HNF4G: variants seen among roughly 807,000 people sequenced by gnomAD.
The protein encoded by HNF4G is hepatocyte nuclear factor 4 gamma, also known as hepatocyte nuclear factor 4-gamma.
HNF4G carries 21 observed loss-of-function variants against 50.9 expected under a neutral mutation model. The observed-to-expected ratio is 0.41, with a 90% CI of 0.29 to 0.59. HNF4G has a LOEUF of 0.59. Among genes scored for constraint, HNF4G ranks in the 20% least tolerant of loss-of-function variants. The pLI is 0.26. For synonymous variants in HNF4G, 198 were observed against 185.6 expected (o/e 1.07, Z -0.54); for missense variants, 527 against 559.4 (o/e 0.94, Z 0.58).
Position 75,556,084 on chromosome 8 carries a change from T to C in HNF4G, c.733+15T>C. ...TTTGCTTTTGGGTAAGTTTTTTTTT[T>C]TTAATTTAAGAAGAAATTATGCATA... On this transcript the variant is annotated intron_variant, in intron 6 of 9. Transcript: ENST00000396423. 7.2e-7 allele frequency: 1 copy of C among 1,396,762 alleles called. No homozygotes were observed. Among genetic ancestry groups the C allele is most frequent in the Non-Finnish European group, 9.9e-7 (1 of 1,010,544 alleles). The allele number at this position is 1,396,762 out of a possible 1,614,324, so 86.5% of individuals were successfully genotyped here.
chr8:75,532,045 TG>T (rs1806341902), intron 2 of HNF4G, among the ~76,000 whole-genome samples: 2 of 152,130 alleles, frequency 1.3e-5, no homozygotes, highest in Non-Finnish European at 2.9e-5. Flanking sequence ...TTATAACTTT[TG>T]GCTATTTTAA....
intron 1 of HNF4G, among the ~76,000 whole-genome samples, chr8:75,418,353 C>T (rs1417877667): frequency 6.6e-6 from 1 of 152,164 alleles, no homozygotes; most frequent in Non-Finnish European, 1.5e-5. Context: ...GGGAGGGACA[C>T]ACAGTTCAGC....
chr8:75,543,453 T>G (rs962539177), intron 1 of HNF4G, among the ~76,000 whole-genome samples: 2 of 152,184 alleles, frequency 1.3e-5, no homozygotes, highest in Non-Finnish European at 2.9e-5. Flanking sequence ...AATGAAGTTC[T>G]TCAATAGGTG....
intron 1 of HNF4G, among the ~76,000 whole-genome samples, chr8:75,449,683 AT>A (rs1340998676): frequency 2.0e-5 from 3 of 151,240 alleles, no homozygotes; most frequent in African/African-American, 7.3e-5. Flanking sequence ...ATTTTTTTGT[AT>A]TTTTAGTAGA....
rs1343973467 is a variant in HNF4G, at chr8:75,442,907, A to G, written c.-144+34745A>G. Among the ~76,000 whole-genome samples, 4 of 152,168 alleles carry G rather than the reference A, an allele frequency of 2.6e-5. No homozygotes were observed. The East Asian group carries it at 7.7e-4, about 29-fold the overall frequency. On this transcript the variant is annotated intron_variant, in intron 1 of 10. Coordinates refer to the HNF4G transcript ENST00000354370. ...GATGACCATGACTGGAAAGCATGAC[A>G]GAGCACAGGAATGCTCAATCTCACA...
At chr8:75,501,082 A>G (rs1053492844) in intron 2 of HNF4G, among the ~76,000 whole-genome samples, 9 of 152,038 alleles carry the variant, frequency 5.9e-5, no homozygotes, top group Admixed American at 5.9e-4. Context: ...AATAAAAAAG[A>G]CTAACAAGGG....
intron 1 of HNF4G, among the ~76,000 whole-genome samples, chr8:75,442,426 T>C (rs1166133143): frequency 6.6e-6 from 1 of 152,094 alleles, no homozygotes; most frequent in Non-Finnish European, 1.5e-5. Context: ...AACATGTGAA[T>C]GGCCCAGCGC....
chr8:75,443,025 G>A (rs1811323867), intron 1 of HNF4G, among the ~76,000 whole-genome samples: 1 of 152,276 alleles, frequency 6.6e-6, no homozygotes, highest in African/African-American at 2.4e-5. Flanking sequence ...GGTATTAGGA[G>A]GGTGGGGCCT....
Position 75,558,781 on chromosome 8 carries a change from C to A in HNF4G, c.887-20C>A. 6.3e-7 allele frequency: 1 copy of A among 1,599,174 alleles called. No individual in the cohort carries two copies. Among genetic ancestry groups the A allele is most frequent in the Non-Finnish European group, 8.6e-7 (1 of 1,166,440 alleles). On this transcript the variant is annotated intron_variant, in intron 7 of 9. Coordinates refer to ENST00000396423, the MANE Select transcript of HNF4G (RefSeq NM_004133.5). ...TAATTAGGTTAAATCTGTACACTGC[C>A]TCTCTTATTCCTTTGTTAGATGCAA...
At chr8:75,555,187 C>T (rs1807077478) in intron 5 of HNF4G, among the ~76,000 whole-genome samples, 1 of 152,134 alleles carries the variant, frequency 6.6e-6, no homozygotes, top group South Asian at 2.1e-4. Context: ...ATCACTTTGG[C>T]TTGTATTTTG....
At position 75,540,104 on chromosome 8, in the gene HNF4G, T is replaced by C. The variant is rs768567987; in HGVS notation, c.118+24T>C. The C allele has an allele frequency of 3.8e-6, 5 of 1,304,294 alleles. No individual in the cohort carries two copies. The African/African-American group carries it at 7.4e-5, about 19-fold the overall frequency. 80.8% of individuals were successfully genotyped at this position (1,304,294 alleles called of 1,614,324 possible). A position where few individuals can be genotyped will look rare whatever the true frequency, so the allele number is the denominator to read the frequency against. On this transcript the variant is annotated intron_variant, in intron 1 of 9. Coordinates refer to ENST00000396423, the MANE Select transcript of HNF4G (RefSeq NM_004133.5). ...TGGTGAGTTATCATCTGTTTATAGA[T>C]GTAAAGAAAAGTAAGTATAATTGGA...
At chr8:75,520,415 C>T (rs984674869) in intron 2 of HNF4G, among the ~76,000 whole-genome samples, 4 of 151,346 alleles carry the variant, frequency 2.6e-5, no homozygotes, top group Admixed American at 1.3e-4. Flanking sequence ...CTTTCTTTCT[C>T]GTTCTTTCTT....
At chr8:75,506,033 A>G (rs1009672516) in intron 2 of HNF4G, among the ~76,000 whole-genome samples, 1 of 152,032 alleles carries the variant, frequency 6.6e-6, no homozygotes, top group Non-Finnish European at 1.5e-5. Flanking sequence ...TAATGAAAAT[A>G]AAACTGATTT....
intron 2 of HNF4G, among the ~76,000 whole-genome samples, chr8:75,491,651 T>C (rs1453600607): frequency 1.3e-5 from 2 of 152,114 alleles, no homozygotes; most frequent in Non-Finnish European, 2.9e-5. Context: ...AATTTTTGTA[T>C]TTTTAGTAAA....
chr8:75,562,508 C>T (rs937338119), intron 9 of HNF4G, among the ~76,000 whole-genome samples: 2 of 152,008 alleles, frequency 1.3e-5, no homozygotes, highest in Admixed American at 6.6e-5. Context: ...CAAACTAGAG[C>T]GTTTATGGAG....
At chr8:75,457,300 T>C (rs1811745380) in intron 1 of HNF4G, among the ~76,000 whole-genome samples, 1 of 152,198 alleles carries the variant, frequency 6.6e-6, no homozygotes, top group Non-Finnish European at 1.5e-5. Flanking sequence ...AGATTTGTAT[T>C]AATGCTCTGG....
intron 2 of HNF4G, among the ~76,000 whole-genome samples, chr8:75,514,149 G>A (rs1805829280): frequency 6.6e-6 from 1 of 151,720 alleles, no homozygotes. Flanking sequence ...CTAAATATAA[G>A]CTGAGTAGTT....
Position 75,565,742 on chromosome 8 carries a change from C to T in HNF4G, c.*1646C>T, listed in dbSNP as rs752526587. 6.6e-5 allele frequency: 10 copies of T among 152,040 alleles called. 1 individual carries two copies. The highest frequency in any genetic ancestry group is 1.0e-4 in the Non-Finnish European group (7 of 68,004). 9.4% of individuals were successfully genotyped at this position (152,040 alleles called of 1,614,324 possible). ...TTTTAAATGTCTAAGATTATGATGT[C>T]ATATCTCCCACTTACCTTATAAGTA... is the stretch of plus-strand genomic sequence containing the variant. On this transcript the variant is annotated 3_prime_UTR_variant, in exon 10 of 10. Transcript: ENST00000396423.
rs538362130 is a variant in HNF4G at position 75,478,762 on chromosome 8, A to G, written c.-143-11327A>G. On this transcript the variant is annotated intron_variant, in intron 1 of 10. Coordinates refer to the HNF4G transcript ENST00000354370. Reference sequence around the variant, plus strand: ...AGATGGAGTTTAGCTCTTGTTGCCCAGACTGGAGTGCAATCGCGCGATCTG... The same window carrying G: ...AGATGGAGTTTAGCTCTTGTTGCCCGGACTGGAGTGCAATCGCGCGATCTG... 4.6e-5 allele frequency among the ~76,000 whole-genome samples: 7 copies of G among 152,122 alleles called. No homozygotes were observed. The South Asian group carries it at 1.5e-3, about 32-fold the overall frequency.
Sources: gnomAD v4.1 joint callset for allele counts (sites outside exome capture counted in the v4.1 genomes callset) on GRCh38, gnomAD v4.1.1 for gene constraint, MANE v1.5 for transcripts, NCBI Gene and HGNC (gene_info 2026-07-23, HGNC 2026-07-21) for gene names.